PLCG2: variants seen among roughly 807,000 people sequenced by gnomAD.
The protein encoded by PLCG2 is phospholipase C gamma 2.
PLCG2 carries 69 observed loss-of-function variants against 175.6 expected under a neutral mutation model. The observed-to-expected ratio is 0.39, with a 90% confidence interval of 0.32 to 0.48. The LOEUF (loss-of-function observed/expected upper bound fraction) is 0.48. Among genes scored for constraint, PLCG2 ranks in the 20% least tolerant of loss-of-function variants. The probability of loss-of-function intolerance (pLI) is 0.91; values close to 1 mark genes in which losing one functional copy is unlikely to be tolerated. For synonymous variants in PLCG2, 827 were observed against 624.0 expected (o/e 1.33, Z -4.85); for missense variants, 1,798 against 1,650.9 (o/e 1.09, Z -1.54).
chr16:81,856,480 A>T (rs953713411), intron 3 of PLCG2, among the ~76,000 whole-genome samples: 2 of 152,178 alleles, frequency 1.3e-5, no homozygotes, highest in African/African-American at 4.8e-5. Context: ...CATGGGTATT[A>T]GCAAGCCATA....
Position 81,781,389 on chromosome 16 carries a change from C to CG in PLCG2, c.-48+1965_-48+1966insG, listed in dbSNP as rs79078538. ...ACCATTATTTATCCAGGAGGCCCCC[C>CG]ACATTGATGAGCAGTTGTTTTCTGT... On this transcript the variant is annotated intron_variant, in intron 1 of 32. Transcript: ENST00000564138. 4.7e-5 allele frequency among the ~76,000 whole-genome samples: 7 copies of CG among 150,042 alleles called. No homozygotes were observed. In the East Asian group the frequency reaches 1.2e-3, roughly 26 times the overall value.
At chr16:81,750,663 A>ATTTGTTTTTTTTT (rs1909790978) in intron 1 of PLCG2, among the ~76,000 whole-genome samples, 4 of 68,446 alleles carry the variant, frequency 5.8e-5, no homozygotes, top group African/African-American at 2.0e-4. Context: ...GGGACTGGAG[A>ATTTGTTTTTTTTT]TTTTTTTTTT....
At chr16:81,855,606 C>T (rs1430871791) in intron 3 of PLCG2, among the ~76,000 whole-genome samples, 2 of 152,138 alleles carry the variant, frequency 1.3e-5, no homozygotes, top group East Asian at 1.9e-4. Context: ...GACCTGGTGC[C>T]GCCTTTAAGA....
chr16:81,956,839 G>C lies in PLCG2; in HGVS notation c.3715G>C (p.Glu1239Gln). The change falls in exon 32 of 33, where the codon GAG becomes CAG. Residue 1239 changes from glutamate (E) to glutamine (Q), a missense_variant. Transcript: ENST00000564138. ...DALVKEFSVNENQLQLYQEKC... is the reference protein window; with the variant it reads ...DALVKEFSVNQNQLQLYQEKC... ...CCTGGTTAAAGAGTTCAGTGTTAAT[G>C]AGAACCAGCTCCAGCTGTACCAGGA... 1 of 1,614,132 alleles carries C rather than the reference G, an allele frequency of 6.2e-7. No individual in the cohort carries two copies. Among genetic ancestry groups the C allele is most frequent in the Non-Finnish European group, 8.5e-7 (1 of 1,179,988 alleles).
intron 2 of PLCG2, among the ~76,000 whole-genome samples, chr16:81,804,269 T>C (rs1445285146): frequency 1.3e-5 from 2 of 152,322 alleles, no homozygotes; most frequent in East Asian, 1.9e-4. Flanking sequence ...TGTTATGTCA[T>C]TGTGGTTCTG....
chr16:81,852,105 C>T (rs12922444), intron 2 of PLCG2: 1 of 152,096 alleles, frequency 6.6e-6, no homozygotes, highest in Non-Finnish European at 1.5e-5. Context: ...ACTCTCATCT[C>T]CAGGAGTGCT....
At chr16:81,885,923 C>G (rs191616853) in intron 9 of PLCG2, among the ~76,000 whole-genome samples, 13 of 152,246 alleles carry the variant, frequency 8.5e-5, no homozygotes, top group African/African-American at 2.4e-4. Flanking sequence ...TTTGCCCAAC[C>G]TGAGACTAAG....
Position 81,881,065 on chromosome 16 carries a change from G to A in PLCG2, c.692+112G>A, listed in dbSNP as rs1176756788. On this transcript the variant is annotated intron_variant, in intron 8 of 32. Transcript: ENST00000564138. ...TGTGTGCAGGCGCTGACCTCCAAAGGGGCAGGGGGCCCCTGCTGGGGAATT... is the reference window on the plus strand; with the variant it reads ...TGTGTGCAGGCGCTGACCTCCAAAGAGGCAGGGGGCCCCTGCTGGGGAATT... 6 of 1,096,392 alleles carry A rather than the reference G, an allele frequency of 5.5e-6. No homozygotes were observed. The East Asian group carries it at 9.4e-5, about 17-fold the overall frequency. The allele number at this position is 1,096,392 out of a possible 1,614,324, so 67.9% of individuals were successfully genotyped here.
chr16:81,881,523 C>G (rs149242209), intron 8 of PLCG2, among the ~76,000 whole-genome samples: 26 of 152,282 alleles, frequency 1.7e-4, no homozygotes, highest in African/African-American at 6.0e-4. Flanking sequence ...AAATGTTGGC[C>G]CTGGAGTTAA....
At chr16:81,863,721 CACTT>C (rs1322710543) in intron 5 of PLCG2, among the ~76,000 whole-genome samples, 1 of 152,250 alleles carries the variant, frequency 6.6e-6, no homozygotes, top group Non-Finnish European at 1.5e-5. Flanking sequence ...TCCTCACCAA[CACTT>C]ACTTCCTTTC....
At chr16:81,752,996 A>C (rs889636377) in intron 1 of PLCG2, among the ~76,000 whole-genome samples, 8 of 152,322 alleles carry the variant, frequency 5.3e-5, no homozygotes, top group Admixed American at 1.3e-4. Context: ...GGTCTGTAGA[A>C]ATTCCTGGTA....
At chr16:81,818,947 C>G (rs1007502224) in intron 2 of PLCG2, among the ~76,000 whole-genome samples, 20 of 125,916 alleles carry the variant, frequency 1.6e-4, no homozygotes, top group Admixed American at 2.7e-4. Flanking sequence ...ATAAATACAG[C>G]TTTTTAGTGA....
intron 7 of PLCG2, among the ~76,000 whole-genome samples, chr16:81,871,740 C>T (rs1441641398): frequency 6.6e-6 from 1 of 152,130 alleles, no homozygotes; most frequent in Non-Finnish European, 1.5e-5. Flanking sequence ...CTGACAGTGG[C>T]ATCCTGGGGA....
intron 6 of PLCG2, among the ~76,000 whole-genome samples, chr16:81,869,515 T>G (rs925412822): frequency 6.6e-6 from 1 of 152,246 alleles, no homozygotes; most frequent in Non-Finnish European, 1.5e-5. Context: ...CCATGTTTAC[T>G]GAGCTCTTGG....
chr16:81,854,156 T>G (rs1022934989), intron 2 of PLCG2, among the ~76,000 whole-genome samples: 1 of 152,084 alleles, frequency 6.6e-6, no homozygotes, highest in African/African-American at 2.4e-5. Flanking sequence ...ATTACAAAAA[T>G]TAATTGTCCT....
chr16:81,903,212 G>A (rs1055449445), intron 14 of PLCG2, among the ~76,000 whole-genome samples: 27 of 152,364 alleles, frequency 1.8e-4, no homozygotes, highest in African/African-American at 6.0e-4. Context: ...GGACACACAA[G>A]GGTGTGGTGG....
At chr16:81,787,375 C>A (rs1197976356) in intron 2 of PLCG2, among the ~76,000 whole-genome samples, 1 of 142,514 alleles carries the variant, frequency 7.0e-6, no homozygotes, top group Non-Finnish European at 1.5e-5. Context: ...GAATGCACCG[C>A]CATGCCTGGA....
At chr16:81,934,316 A>G (rs1432005685) in intron 25 of PLCG2, 113 bp from the exon 26 acceptor site, 8 of 665,596 alleles carry the variant, frequency 1.2e-5, no homozygotes, top group Admixed American at 2.4e-5. Context: ...AACCATATTA[A>G]AGATCCGAGT....
rs74029229 is a variant in PLCG2, at chr16:81,821,929, C to A, written c.194-32515C>A. On this transcript the variant is annotated intron_variant, in intron 2 of 32. Transcript: ENST00000564138. ...GAGCCAGACAGGCCTGGGGTTCCATCCCAGATCCACCATTTGCAGGCTGTG... is the reference window on the plus strand; with the variant it reads ...GAGCCAGACAGGCCTGGGGTTCCATACCAGATCCACCATTTGCAGGCTGTG... 6.0e-3 allele frequency among the ~76,000 whole-genome samples: 916 copies of A among 151,912 alleles called. 9 individuals carry two copies. Among genetic ancestry groups the A allele is most frequent in the Middle Eastern group, 0.024 (7 of 294 alleles).
Sources: gnomAD v4.1 joint callset for allele counts (sites outside exome capture counted in the v4.1 genomes callset) on GRCh38, gnomAD v4.1.1 for gene constraint, MANE v1.5 for transcripts, NCBI Gene and HGNC (gene_info 2026-07-23, HGNC 2026-07-21) for gene names.